The following KSR1 variants were observed in gnomAD, a reference collection of about 807,000 sequenced individuals.
The protein encoded by KSR1 is kinase suppressor of ras 1, also known as kinase suppressor of ras.
Under a neutral mutation model 92.9 loss-of-function variants are expected in KSR1, and 35 were observed. That is an observed-to-expected ratio of 0.38 (90% confidence interval 0.29 to 0.50). The LOEUF (loss-of-function observed/expected upper bound fraction) is 0.50. Ranked by LOEUF, KSR1 falls within the 20% of genes least tolerant of loss-of-function variation. The probability of loss-of-function intolerance (pLI) is 0.94; values close to 1 mark genes in which losing one functional copy is unlikely to be tolerated. For missense variants in KSR1, 972 were observed against 1,158.5 expected, an observed-to-expected ratio of 0.84 and a Z score of 2.34; for synonymous variants, 467 against 472.6, an observed-to-expected ratio of 0.99 and a Z score of 0.15.
chr17:27,501,268 T>C (rs2069168310), intron 1 of KSR1, among the ~76,000 whole-genome samples: 1 of 150,394 alleles, frequency 6.6e-6, no homozygotes, highest in African/African-American at 2.4e-5. Context: ...CTTTTTCTTT[T>C]TTTTTTTTTT....
At chr17:27,600,202 A>G (rs2073504989) in intron 10 of KSR1, among the ~76,000 whole-genome samples, 1 of 151,590 alleles carries the variant, frequency 6.6e-6, no homozygotes, top group Admixed American at 6.6e-5. Context: ...TGGGAGGCCA[A>G]GGTGGGCGGA....
At chr17:27,562,424 G>C (rs1028736915) in intron 2 of KSR1, among the ~76,000 whole-genome samples, 2 of 152,200 alleles carry the variant, frequency 1.3e-5, no homozygotes, top group Admixed American at 6.5e-5. Context: ...AGACGAGGTG[G>C]CTGCCGGTGG....
chr17:27,523,385 TAAAA>T (rs11429386), intron 1 of KSR1, among the ~76,000 whole-genome samples: 2 of 144,380 alleles, frequency 1.4e-5, no homozygotes, highest in African/African-American at 5.1e-5. Flanking sequence ...TCTGTAAGGT[TAAAA>T]AAAAAAAAAA....
chr17:27,609,494 T>G (rs529356143), intron 16 of KSR1, among the ~76,000 whole-genome samples, 165 bp downstream of exon 16: 6 of 152,178 alleles, frequency 3.9e-5, no homozygotes, highest in Non-Finnish European at 8.8e-5. Context: ...GAATCAGATT[T>G]GGGTCGCGTT....
At chr17:27,522,692 G>T (rs1426528195) in intron 1 of KSR1, among the ~76,000 whole-genome samples, 2 of 152,272 alleles carry the variant, frequency 1.3e-5, no homozygotes, top group South Asian at 2.1e-4. Flanking sequence ...TTGAGGGGTG[G>T]TGAATGCAAA....
At chr17:27,562,260 A>G (rs374994826) in intron 2 of KSR1, among the ~76,000 whole-genome samples, 1 of 152,220 alleles carries the variant, frequency 6.6e-6, no homozygotes, top group Admixed American at 6.5e-5. Flanking sequence ...TCACAGCTCT[A>G]TCCCCAGTGC....
chr17:27,607,795 A>C, intron 14 of KSR1, 119 bp from the exon 15 acceptor site: 1 of 725,872 alleles, frequency 1.4e-6, no homozygotes, highest in Admixed American at 2.4e-5. Context: ...CTCACAGTCG[A>C]GGGGCTGGAG....
intron 1 of KSR1, among the ~76,000 whole-genome samples, chr17:27,535,012 T>G (rs998736603): frequency 1.6e-4 from 25 of 152,224 alleles, no homozygotes; most frequent in African/African-American, 5.5e-4. Context: ...CGTGTGGATG[T>G]CCTTGTCAGG....
intron 1 of KSR1, among the ~76,000 whole-genome samples, chr17:27,486,566 C>T (rs1391308629): frequency 6.6e-6 from 1 of 152,198 alleles, no homozygotes; most frequent in Non-Finnish European, 1.5e-5. Context: ...GCCCGTCCAC[C>T]CATCTGGGTG....
intron 13 of KSR1, 79 bp from the exon 14 acceptor site, chr17:27,605,355 C>A: frequency 6.6e-7 from 1 of 1,511,582 alleles, no homozygotes; most frequent in African/African-American, 1.4e-5. Context: ...TGTTACCTGG[C>A]TAGGGCTCCA....
intron 1 of KSR1, among the ~76,000 whole-genome samples, chr17:27,472,391 T>G (rs2150924588): frequency 6.6e-6 from 1 of 152,310 alleles, no homozygotes; most frequent in East Asian, 1.9e-4. Flanking sequence ...CACCATTTCG[T>G]TTGGAGGAGG....
intron 1 of KSR1, among the ~76,000 whole-genome samples, chr17:27,517,188 T>G (rs963646221): frequency 6.6e-6 from 1 of 152,234 alleles, no homozygotes; most frequent in Non-Finnish European, 1.5e-5. Context: ...GGGAAACATT[T>G]GTCGTCTATT....
At chr17:27,582,034 C>A (rs1410584557) in intron 3 of KSR1, among the ~76,000 whole-genome samples, 1 of 152,144 alleles carries the variant, frequency 6.6e-6, no homozygotes, top group African/African-American at 2.4e-5. Context: ...TTCACACACC[C>A]AGCTTCCCTT....
chr17:27,557,048 T>C (rs1289264671), intron 2 of KSR1, among the ~76,000 whole-genome samples: 1 of 152,168 alleles, frequency 6.6e-6, no homozygotes, highest in Non-Finnish European at 1.5e-5. Context: ...TCCAGGTCTG[T>C]GGGGAAAGGG....
At chr17:27,522,335 C>G (rs768260425) in intron 1 of KSR1, among the ~76,000 whole-genome samples, 7 of 152,240 alleles carry the variant, frequency 4.6e-5, no homozygotes, top group Non-Finnish European at 8.8e-5. Context: ...ACCACGCAAT[C>G]CTCCACACAG....
At chr17:27,550,435 G>A (rs1223212997) in intron 1 of KSR1, 133 bp from the exon 2 acceptor site, 1 of 681,142 alleles carries the variant, frequency 1.5e-6, no homozygotes, top group Non-Finnish European at 2.7e-6. Flanking sequence ...CCTGCAAACA[G>A]CAGAGAGGAG....
At chr17:27,599,282 G>A (rs889133818) in intron 10 of KSR1, among the ~76,000 whole-genome samples, 1 of 152,222 alleles carries the variant, frequency 6.6e-6, no homozygotes, top group East Asian at 1.9e-4. Context: ...ATAGGGCTGG[G>A]CACAGTGGCT....
At chr17:27,475,627 G>A (rs954565541) in intron 1 of KSR1, among the ~76,000 whole-genome samples, 1 of 152,324 alleles carries the variant, frequency 6.6e-6, no homozygotes, top group South Asian at 2.1e-4. Flanking sequence ...CGGGGACAGC[G>A]ATGCCCTTCC....
At position 27,515,393 on chromosome 17, in the gene KSR1, A is replaced by G. The variant is rs551873172; in HGVS notation, c.232-35175A>G. On this transcript the variant is annotated intron_variant, in intron 1 of 20. Coordinates refer to ENST00000644974, the MANE Select transcript of KSR1 (RefSeq NM_001394583.1). The stretch of plus-strand genomic sequence containing the variant: ...ACTCTGATGTTCACACAAAGCCAAA[A>G]TCACCTAAGGACATGTTTCTCAGAA... 3.9e-5 allele frequency among the ~76,000 whole-genome samples: 6 copies of G among 152,278 alleles called. No individual in the cohort carries two copies. The South Asian group carries it at 1.2e-3, about 32-fold the overall frequency.
Sources: gnomAD v4.1 joint callset for allele counts (sites outside exome capture counted in the v4.1 genomes callset) on GRCh38, gnomAD v4.1.1 for gene constraint, MANE v1.5 for transcripts, NCBI Gene and HGNC (gene_info 2026-07-23, HGNC 2026-07-21) for gene names.